The following NDST1 variants were observed in gnomAD, a reference collection of about 807,000 sequenced individuals.
NDST1 encodes bifunctional heparan sulfate N-deacetylase/N-sulfotransferase 1.
In NDST1, 35 loss-of-function variants were observed where a neutral mutation model predicts 92.8. That is an observed-to-expected ratio of 0.38 (90% CI 0.29 to 0.50). The LOEUF is 0.50. NDST1 is among the 20% of genes least tolerant of loss of function. The pLI, the probability that NDST1 is intolerant of heterozygous loss-of-function variation, is 0.94. For missense variants in NDST1, 822 were observed against 1,182.7 expected (o/e 0.69, Z 4.47); for synonymous variants, 493 against 500.3 (o/e 0.99, Z 0.19).
At chr5:150,546,329 C>T (rs948364801) in intron 11 of NDST1, among the ~76,000 whole-genome samples, 2 of 152,172 alleles carry the variant, frequency 1.3e-5, no homozygotes, top group African/African-American at 4.8e-5. Context: ...TATGGCCTGA[C>T]TTAATTTCCT....
Position 150,521,761 on chromosome 5 carries a change from CTTCAAGGTA to C in NDST1, c.508_513+3del. On this transcript the variant is annotated splice_donor_variant and splice_donor_region_variant and coding_sequence_variant and intron_variant, in exon 2 of 15. Coordinates refer to ENST00000261797, the MANE Select transcript of NDST1 (RefSeq NM_001543.5). LOFTEE classifies it high-confidence loss of function. The surrounding 1 kb of genome is among the most constrained non-coding windows in gnomAD (Gnocchi z 5.9). ...CCTACGGCGTGGGCATCATTGGCTT[CTTCAAGGTA>C]CACAAGAAGCAGGGTCCCCGAGCAG... 1 of 1,613,406 alleles carries C rather than the reference CTTCAAGGTA, an allele frequency of 6.2e-7. No individual in the cohort carries two copies. Among genetic ancestry groups the C allele is most frequent in the Non-Finnish European group, 8.5e-7 (1 of 1,180,034 alleles).
At position 150,528,510 on chromosome 5, in the gene NDST1, G is replaced by A. The variant is rs564936746; in HGVS notation, c.1008+212G>A. Among the ~76,000 whole-genome samples the A allele has an allele frequency of 2.6e-5, 4 of 152,302 alleles. No individual in the cohort carries two copies. The South Asian group carries it at 8.3e-4, about 32-fold the overall frequency. On this transcript the variant is annotated intron_variant, in intron 3 of 14. Transcript: ENST00000261797. ...CATTTAAAACTTGATTGAAGCATTG[G>A]CCAGGTGTGGTGGCTCACACCTGTA...
upstream of NDST1, among the ~76,000 whole-genome samples, chr5:150,504,386 C>A (rs1309546080): frequency 1.3e-5 from 2 of 152,206 alleles, no homozygotes; most frequent in Non-Finnish European, 2.9e-5. Context: ...CTCATATCTG[C>A]CACTCCCCTC....
chr5:150,521,485 C>A lies in NDST1; in HGVS notation c.231C>A (p.Thr77=). 2 of 1,614,030 alleles carry A rather than the reference C, an allele frequency of 1.2e-6. No individual in the cohort carries two copies. Among genetic ancestry groups the A allele is most frequent in the Non-Finnish European group, 1.7e-6 (2 of 1,180,030 alleles). ...CACTCAAGCCTGTGCAGGCAGCCACCCCTTCCCGCACAGACCCGTTGGTGC... is the reference window on the plus strand; with the variant it reads ...CACTCAAGCCTGTGCAGGCAGCCACACCTTCCCGCACAGACCCGTTGGTGC... ...LLPLKPVQAA[T]PSRTDPLVLV... The change falls in exon 2 of 15, where the codon ACC becomes ACA. Residue 77 remains threonine (T), a synonymous_variant. Coordinates refer to ENST00000261797, the MANE Select transcript of NDST1 (RefSeq NM_001543.5). The surrounding 1 kb of genome is among the most constrained non-coding windows in gnomAD (Gnocchi z 5.9).
intron 1 of NDST1, among the ~76,000 whole-genome samples, chr5:150,514,342 G>A (rs143404919): frequency 2.3e-4 from 35 of 152,310 alleles, no homozygotes; most frequent in African/African-American, 7.9e-4. Context: ...AGCCGAAGTG[G>A]GTGGATCATC....
rs1561593668 is a variant in NDST1, at chr5:150,520,979, C to T, written c.-276C>T. The T allele has an allele frequency of 1.7e-6, 1 of 574,822 alleles. No homozygotes were observed. The highest frequency in any genetic ancestry group is 3.1e-6 in the Non-Finnish European group (1 of 325,284). 35.6% of individuals were successfully genotyped at this position (574,822 alleles called of 1,614,324 possible). Reference sequence around the variant, plus strand: ...CAGAAGGCCCTGACGCCCTGGGGCACTTCTGCTCTGCACAGGACCACGCGG... The same window carrying T: ...CAGAAGGCCCTGACGCCCTGGGGCATTTCTGCTCTGCACAGGACCACGCGG... On this transcript the variant is annotated 5_prime_UTR_variant, in exon 2 of 15. Coordinates refer to ENST00000261797, the MANE Select transcript of NDST1 (RefSeq NM_001543.5).
chr5:150,542,793 CTA>C lies in NDST1; in HGVS notation c.1847-53_1847-52del. ...GGGAGCTAGGCCCAGAACCCAGACT[CTA>C]TCTTTTGGCTGGGGGCTGGGCCCTG... On this transcript the variant is annotated intron_variant, in intron 9 of 14. Coordinates refer to ENST00000261797, the MANE Select transcript of NDST1 (RefSeq NM_001543.5). 7.4e-6 allele frequency: 12 copies of C among 1,613,078 alleles called. No homozygotes were observed. The South Asian group carries it at 1.3e-4, about 18-fold the overall frequency.
intron 8 of NDST1, among the ~76,000 whole-genome samples, chr5:150,541,002 A>G (rs1213101941): frequency 6.6e-6 from 1 of 152,210 alleles, no homozygotes; most frequent in Non-Finnish European, 1.5e-5. Flanking sequence ...ACGGGCTTTT[A>G]AAAAGTGGAA....
intron 1 of NDST1, among the ~76,000 whole-genome samples, chr5:150,499,033 C>T (rs1470161293): frequency 6.6e-6 from 1 of 152,240 alleles, no homozygotes; most frequent in Non-Finnish European, 1.5e-5. Flanking sequence ...ATCCTTGCAG[C>T]CCAGCACCAA....
At chr5:150,552,119 C>T (rs1755749921) in intron 14 of NDST1, among the ~76,000 whole-genome samples, 1 of 152,154 alleles carries the variant, frequency 6.6e-6, no homozygotes, top group African/African-American at 2.4e-5. Flanking sequence ...TCTCTGCCTT[C>T]AAGGAACTCC....
intron 7 of NDST1, 111 bp from the exon 8 acceptor site, chr5:150,539,971 G>A: frequency 1.4e-6 from 2 of 1,411,134 alleles, no homozygotes; most frequent in Non-Finnish European, 2.0e-6. Flanking sequence ...AACTTCCACT[G>A]GTCATCAGGA....
Position 150,554,114 on chromosome 5 carries a change from A to G in NDST1, c.*782A>G. 6 of 400,152 alleles carry G rather than the reference A, an allele frequency of 1.5e-5. No homozygotes were observed. The highest frequency in any genetic ancestry group is 2.2e-5 in the Non-Finnish European group (5 of 227,096). 24.8% of individuals were successfully genotyped at this position (400,152 alleles called of 1,614,324 possible). On this transcript the variant is annotated 3_prime_UTR_variant, in exon 15 of 15. Transcript: ENST00000261797. ...AGGGGTCTGCCAGTAACATGTTCCC[A>G]TGTACAGACACGGTCCCCACACCCT...
At chr5:150,525,382 C>T (rs563707483) in intron 2 of NDST1, among the ~76,000 whole-genome samples, 1 of 152,310 alleles carries the variant, frequency 6.6e-6, no homozygotes, top group East Asian at 1.9e-4. Flanking sequence ...ACCCGCGGTC[C>T]AGTGTGGCAT....
chr5:150,518,992 G>T (rs1754117830), intron 1 of NDST1: 1 of 151,966 alleles, frequency 6.6e-6, no homozygotes, highest in African/African-American at 2.4e-5. Flanking sequence ...GCCCAGGCTG[G>T]TCTTGAACTC....
chr5:150,512,697 A>C (rs918080373), intron 1 of NDST1, among the ~76,000 whole-genome samples: 1 of 152,234 alleles, frequency 6.6e-6, no homozygotes, highest in Non-Finnish European at 1.5e-5. Flanking sequence ...CAAATCTGTT[A>C]CTGAGTAATC....
Position 150,527,826 on chromosome 5 carries a change from G to C in NDST1, c.536G>C (p.Ser179Thr). 1 of 1,614,058 alleles carries C rather than the reference G, an allele frequency of 6.2e-7. No individual in the cohort carries two copies. The highest frequency in any genetic ancestry group is 1.1e-5 in the South Asian group (1 of 91,086). ...CAGGCCAATGAGAACAGCCTGCTGA[G>C]TGCGCAGCTCAAGGGCTTCCCCCTG... is the stretch of plus-strand genomic sequence containing the variant. ...FFKANENSLL[S>T]AQLKGFPLFL... The change falls in exon 3 of 15, where the codon AGT (serine) becomes ACT (threonine). Residue 179 changes from serine to threonine, a missense_variant. Ser to Thr is a moderately conservative substitution (Grantham distance 58). Transcript: ENST00000261797.
intron 6 of NDST1, among the ~76,000 whole-genome samples, chr5:150,538,500 G>C (rs1341593819): frequency 6.6e-6 from 1 of 152,200 alleles, no homozygotes; most frequent in Non-Finnish European, 1.5e-5. Context: ...CCATACTCTG[G>C]GCTTAGAATA....
rs1302819258 is a variant in NDST1 at position 150,537,468 on chromosome 5, G to A, written c.1437+1583G>A. 2.0e-5 allele frequency among the ~76,000 whole-genome samples: 3 copies of A among 152,170 alleles called. 1 individual carries two copies. Among genetic ancestry groups the A allele is most frequent in the Admixed American group, 2.0e-4 (3 of 15,272 alleles). On this transcript the variant is annotated intron_variant, in intron 6 of 14. Coordinates refer to ENST00000261797, the MANE Select transcript of NDST1 (RefSeq NM_001543.5). Reference sequence around the variant, plus strand: ...GGAACGTTTGTCTTTTACAGTTGTTGATAAGGGATGAAATAAGCCCCGGTC... The same window carrying A: ...GGAACGTTTGTCTTTTACAGTTGTTAATAAGGGATGAAATAAGCCCCGGTC...
Position 150,521,924 on chromosome 5 carries a change from G to A in NDST1, c.513+157G>A, listed in dbSNP as rs757296826. On this transcript the variant is annotated intron_variant, in intron 2 of 14. Coordinates refer to ENST00000261797, the MANE Select transcript of NDST1 (RefSeq NM_001543.5). The surrounding 1 kb of genome is among the most constrained non-coding windows in gnomAD (Gnocchi z 5.9). ...TATATGTAAAGCACTGGGAGCATGC[G>A]GTGCCCACTGCCTGGCAAGTGCTTT... is the stretch of plus-strand genomic sequence containing the variant. Among the ~76,000 whole-genome samples the A allele has an allele frequency of 3.3e-5, 5 of 152,158 alleles. No homozygotes were observed. Among genetic ancestry groups the A allele is most frequent in the African/African-American group, 1.2e-4 (5 of 41,420 alleles).
Sources: gnomAD v4.1 joint callset for allele counts (sites outside exome capture counted in the v4.1 genomes callset) on GRCh38, gnomAD v4.1.1 for gene constraint, Gnocchi (gnomAD v3.1) non-coding constraint, MANE v1.5 for transcripts, NCBI Gene and HGNC (gene_info 2026-07-23, HGNC 2026-07-21) for gene names.